ARHGAP15: variants seen among roughly 807,000 people sequenced by gnomAD.
The protein encoded by ARHGAP15 is rho GTPase-activating protein 15.
ARHGAP15 carries 51 observed loss-of-function variants against 63.7 expected under a neutral mutation model. The ratio of observed to expected loss-of-function variants is 0.80; its 90% CI spans 0.64 to 1.01. The LOEUF (loss-of-function observed/expected upper bound fraction) is 1.01. ARHGAP15 is among the 50% of genes least tolerant of loss of function. The pLI, the probability that ARHGAP15 is intolerant of heterozygous loss-of-function variation, is 0.00. For missense variants in ARHGAP15, 560 were observed against 564.6 expected, an observed-to-expected ratio of 0.99 and a Z score of 0.08; for synonymous variants, 191 against 193.8, an observed-to-expected ratio of 0.99 and a Z score of 0.12.
At chr2:143,217,902 C>A (rs1287652355) in intron 4 of ARHGAP15, among the ~76,000 whole-genome samples, 1 of 152,158 alleles carries the variant, frequency 6.6e-6, no homozygotes, top group Non-Finnish European at 1.5e-5. Flanking sequence ...CAGCCTCATG[C>A]AAGGAAGTAG....
At chr2:143,666,750 G>A (rs1490212148) in intron 12 of ARHGAP15, among the ~76,000 whole-genome samples, 3 of 143,804 alleles carry the variant, frequency 2.1e-5, no homozygotes, top group African/African-American at 8.0e-5. Flanking sequence ...CCATCAGAAA[G>A]TGGGCTAAGG....
chr2:143,744,425 T>C (rs1686081498), intron 13 of ARHGAP15, among the ~76,000 whole-genome samples: 2 of 152,172 alleles, frequency 1.3e-5, no homozygotes, highest in Non-Finnish European at 2.9e-5. Flanking sequence ...TAATAATGAG[T>C]GCGAGTTTGT....
intron 6 of ARHGAP15, among the ~76,000 whole-genome samples, chr2:143,283,190 C>G (rs1192925216): frequency 6.6e-6 from 1 of 152,076 alleles, no homozygotes; most frequent in African/African-American, 2.4e-5. Flanking sequence ...AAATTTTTGC[C>G]AGGACCCGTG....
intron 1 of ARHGAP15, 50 bp from the exon 2 acceptor site, chr2:143,155,427 A>C (rs1690037780): frequency 1.4e-6 from 2 of 1,462,762 alleles, no homozygotes; most frequent in South Asian, 2.8e-5. Flanking sequence ...AAGAGTTTTC[A>C]TGGAAAATTG....
intron 13 of ARHGAP15, among the ~76,000 whole-genome samples, chr2:143,741,850 A>C (rs1414706539): frequency 2.0e-5 from 3 of 152,224 alleles, no homozygotes; most frequent in Non-Finnish European, 4.4e-5. Flanking sequence ...AACCAGATAT[A>C]TGACATGAAG....
rs927964416 is a variant in ARHGAP15, at chr2:143,185,924, T to C, written c.166-16210T>C. Among the ~76,000 whole-genome samples the C allele has an allele frequency of 2.6e-5, 4 of 152,122 alleles. No individual in the cohort carries two copies. The South Asian group carries it at 8.3e-4, about 32-fold the overall frequency. On this transcript the variant is annotated intron_variant, in intron 2 of 13. Coordinates refer to ENST00000295095, the MANE Select transcript of ARHGAP15 (RefSeq NM_018460.4). ...GACCCCAAATTAACTTCTCCAGAGC[T>C]CCCTACAACGTATCTTGTTTCTTGA...
chr2:143,259,519 G>A (rs1680606452), intron 6 of ARHGAP15, among the ~76,000 whole-genome samples: 1 of 152,150 alleles, frequency 6.6e-6, no homozygotes, highest in South Asian at 2.1e-4. Flanking sequence ...GGAAATCTTA[G>A]ATGGACTGCA....
intron 6 of ARHGAP15, among the ~76,000 whole-genome samples, chr2:143,373,075 C>T (rs1686634160): frequency 6.9e-6 from 1 of 145,452 alleles, no homozygotes; most frequent in Non-Finnish European, 1.5e-5. Flanking sequence ...GAAAATAGCA[C>T]ATAATTACAC....
At chr2:143,413,958 T>TGCGCGCGCAC (rs1371670453) in intron 6 of ARHGAP15, among the ~76,000 whole-genome samples, 1 of 70,304 alleles carries the variant, frequency 1.4e-5, no homozygotes, top group African/African-American at 5.3e-5. Flanking sequence ...TGTGTGTGTG[T>TGCGCGCGCAC]GTGTGTGTGC....
intron 6 of ARHGAP15, among the ~76,000 whole-genome samples, chr2:143,251,155 T>A (rs1465714232): frequency 6.6e-6 from 1 of 152,040 alleles, no homozygotes; most frequent in Non-Finnish European, 1.5e-5. Flanking sequence ...GATGAAATCC[T>A]TGAGAGAGAT....
At chr2:143,308,428 T>C (rs1238548606) in intron 6 of ARHGAP15, among the ~76,000 whole-genome samples, 2 of 151,732 alleles carry the variant, frequency 1.3e-5, no homozygotes, top group Non-Finnish European at 2.9e-5. Context: ...ATTCTATTCT[T>C]TAAAATCAAG....
intron 12 of ARHGAP15, among the ~76,000 whole-genome samples, chr2:143,653,041 T>C (rs1429097972): frequency 1.3e-5 from 2 of 152,116 alleles, no homozygotes; most frequent in Non-Finnish European, 2.9e-5. Flanking sequence ...GTTTTAGGTT[T>C]TTCCTTCCCA....
At chr2:143,372,320 C>T (rs963786687) in intron 6 of ARHGAP15, among the ~76,000 whole-genome samples, 1 of 132,784 alleles carries the variant, frequency 7.5e-6, no homozygotes, top group Admixed American at 8.6e-5. Context: ...TCCAGCCTGG[C>T]GACAAAAAAT....
rs1558897754 is a variant in ARHGAP15, at chr2:143,330,112, AAAAAAAAAAAAAAAAAAAACC to A, written c.474+79518_474+79538del. Among the ~76,000 whole-genome samples the A allele has an allele frequency of 3.9e-4, 34 of 88,000 alleles. 3 individuals are homozygous for A. The highest frequency in any genetic ancestry group is 1.2e-3 in the African/African-American group (27 of 23,298). 57.7% of individuals were successfully genotyped at this position (88,000 alleles called of 152,430 possible). On this transcript the variant is annotated intron_variant, in intron 6 of 13. Coordinates refer to ENST00000295095, the MANE Select transcript of ARHGAP15 (RefSeq NM_018460.4). The stretch of plus-strand genomic sequence containing the variant: ...TCTGTCTCAAAAAAAAAAAAAAAAA[AAAAAAAAAAAAAAAAAAAACC>A]AAAAACAAAAAACTAAACTAATGAT...
At chr2:143,316,943 G>A (rs746605577) in intron 6 of ARHGAP15, among the ~76,000 whole-genome samples, 8 of 152,070 alleles carry the variant, frequency 5.3e-5, no homozygotes, top group African/African-American at 9.7e-5. Flanking sequence ...TTGAACTTAC[G>A]TAGTTATAGT....
At chr2:143,569,759 T>C (rs1696378483) in intron 11 of ARHGAP15, among the ~76,000 whole-genome samples, 1 of 152,160 alleles carries the variant, frequency 6.6e-6, no homozygotes, top group South Asian at 2.1e-4. Flanking sequence ...AAGAATGAAT[T>C]GTAGGGGGAA....
chr2:143,235,567 T>A (rs1693611604), intron 5 of ARHGAP15, among the ~76,000 whole-genome samples: 1 of 152,196 alleles, frequency 6.6e-6, no homozygotes, highest in African/African-American at 2.4e-5. Context: ...TCTGGAATAA[T>A]CTGTCATGGC....
chr2:143,205,957 A>G (rs1255925149), intron 3 of ARHGAP15, among the ~76,000 whole-genome samples: 2 of 151,982 alleles, frequency 1.3e-5, no homozygotes, highest in Non-Finnish European at 2.9e-5. Flanking sequence ...CAATTCCAGA[A>G]CAGCCTTCTT....
intron 11 of ARHGAP15, among the ~76,000 whole-genome samples, chr2:143,567,583 A>T (rs1230195325): frequency 6.6e-6 from 1 of 152,216 alleles, no homozygotes; most frequent in East Asian, 1.9e-4. Flanking sequence ...GAAGAGGAGG[A>T]AGCTGCCAGG....
Sources: gnomAD v4.1 joint callset for allele counts (sites outside exome capture counted in the v4.1 genomes callset) on GRCh38, gnomAD v4.1.1 for gene constraint, MANE v1.5 for transcripts, NCBI Gene and HGNC (gene_info 2026-07-23, HGNC 2026-07-21) for gene names.